The following PCDH15 variants were observed in gnomAD, a reference collection of about 807,000 sequenced individuals.
The protein encoded by PCDH15 is protocadherin-15.
Under a neutral mutation model 178.5 loss-of-function variants are expected in PCDH15, and 129 were observed. The ratio of observed to expected loss-of-function variants is 0.72; its 90% CI spans 0.63 to 0.84. The LOEUF is 0.84. Ranked by LOEUF, PCDH15 falls within the 40% of genes least tolerant of loss-of-function variation. The probability of loss-of-function intolerance (pLI) is 0.00; values close to 1 mark genes in which losing one functional copy is unlikely to be tolerated. For synonymous variants in PCDH15, 800 were observed against 732.0 expected, an observed-to-expected ratio of 1.09 and a Z score of -1.50; for missense variants, 2,230 against 2,099.9, an observed-to-expected ratio of 1.06 and a Z score of -1.21.
intron 15 of PCDH15, among the ~76,000 whole-genome samples, chr10:54,105,642 A>G (rs2094905022): frequency 6.6e-6 from 1 of 152,154 alleles, no homozygotes; most frequent in African/African-American, 2.4e-5. Context: ...TGCCTTTCCT[A>G]GCCCACTAAC....
chr10:55,429,817 A>G (rs896106351), intron 2 of PCDH15, among the ~76,000 whole-genome samples: 1 of 152,180 alleles, frequency 6.6e-6, no homozygotes, highest in African/African-American at 2.4e-5. Context: ...ATTATTTTTA[A>G]TAAGTAATCA....
intron 2 of PCDH15, among the ~76,000 whole-genome samples, chr10:55,464,722 G>GTA (rs1276177096): frequency 9.7e-4 from 144 of 147,758 alleles, no homozygotes; most frequent in Non-Finnish European, 1.5e-3. Context: ...ACTTATGTGT[G>GTA]TGTATATATA....
intron 2 of PCDH15, among the ~76,000 whole-genome samples, chr10:55,453,569 A>T (rs1206171603): frequency 6.6e-6 from 1 of 152,060 alleles, no homozygotes; most frequent in Non-Finnish European, 1.5e-5. Context: ...CATATACTGA[A>T]AAAAGTTTGC....
At chr10:54,892,242 A>G (rs540942544) in intron 3 of PCDH15, among the ~76,000 whole-genome samples, 1 of 152,288 alleles carries the variant, frequency 6.6e-6, no homozygotes, top group South Asian at 2.1e-4. Flanking sequence ...AAGAATATGG[A>G]GGCTTCTGTT....
intron 1 of PCDH15, among the ~76,000 whole-genome samples, chr10:54,764,322 T>A (rs1168148373): frequency 6.6e-6 from 1 of 152,028 alleles, no homozygotes; most frequent in African/African-American, 2.4e-5. Flanking sequence ...CACTGGCATG[T>A]TTTTTCATCT....
chr10:55,307,986 T>C (rs572413253), intron 1 of PCDH15, among the ~76,000 whole-genome samples: 1 of 152,274 alleles, frequency 6.6e-6, no homozygotes, highest in Admixed American at 6.5e-5. Flanking sequence ...CACATCCCTC[T>C]GAGTTAGAGA....
At chr10:54,161,068 GTA>G (rs1223488468) in intron 13 of PCDH15, among the ~76,000 whole-genome samples, 1 of 152,004 alleles carries the variant, frequency 6.6e-6, no homozygotes, top group African/African-American at 2.4e-5. Context: ...ATATGTGTGT[GTA>G]TATATATTTA....
intron 2 of PCDH15, among the ~76,000 whole-genome samples, chr10:55,134,311 T>C (rs2132080872): frequency 6.6e-6 from 1 of 152,340 alleles, no homozygotes. Context: ...TCTCTGCTAC[T>C]TAAAATATTT....
At chr10:54,402,914 AT>A (rs1952119124) in intron 3 of PCDH15, among the ~76,000 whole-genome samples, 1 of 151,998 alleles carries the variant, frequency 6.6e-6, no homozygotes, top group South Asian at 2.1e-4. Context: ...AGAGTTGCAC[AT>A]CTCTCACCTT....
intron 2 of PCDH15, among the ~76,000 whole-genome samples, chr10:55,353,647 T>C (rs957701493): frequency 1.3e-5 from 2 of 152,038 alleles, no homozygotes; most frequent in African/African-American, 4.8e-5. Context: ...CTGAGTCCTG[T>C]GTGGACTCTA....
At chr10:54,383,357 A>C (rs1226933734) in intron 3 of PCDH15, among the ~76,000 whole-genome samples, 2 of 152,158 alleles carry the variant, frequency 1.3e-5, no homozygotes, top group African/African-American at 4.8e-5. Context: ...TGCTGGCAAA[A>C]GCAAAAATGA....
chr10:54,768,665 C>A (rs181943394), intron 1 of PCDH15, among the ~76,000 whole-genome samples: 66 of 152,250 alleles, frequency 4.3e-4, no homozygotes, highest in Admixed American at 2.2e-3. Flanking sequence ...AGCAAATTCT[C>A]CTTTTGCTTC....
chr10:54,955,655 A>T (rs1485580271), intron 2 of PCDH15, among the ~76,000 whole-genome samples: 4 of 151,226 alleles, frequency 2.6e-5, no homozygotes, highest in East Asian at 1.9e-4. Context: ...GTAGTATGTA[A>T]TTTTTTCAGT....
chr10:54,725,670 G>A (rs72794568), intron 1 of PCDH15, among the ~76,000 whole-genome samples: 18,271 of 147,876 alleles, frequency 0.12, 1,232 homozygotes, highest in African/African-American at 0.17. Context: ...TTCACTCTAA[G>A]CAACTCATTT....
intron 2 of PCDH15, among the ~76,000 whole-genome samples, chr10:55,607,821 C>T (rs1356439767): frequency 4.7e-5 from 7 of 148,400 alleles, no homozygotes; most frequent in African/African-American, 1.5e-4. Context: ...GTGGGTGCAG[C>T]GCACCAGCAT....
At chr10:55,041,193 G>A (rs1840855987) in intron 2 of PCDH15, among the ~76,000 whole-genome samples, 1 of 152,030 alleles carries the variant, frequency 6.6e-6, no homozygotes, top group Non-Finnish European at 1.5e-5. Flanking sequence ...GCTATTTAAA[G>A]TAAAACATGT....
At chr10:54,218,840 A>G (rs2052400182) in intron 9 of PCDH15, among the ~76,000 whole-genome samples, 2 of 152,212 alleles carry the variant, frequency 1.3e-5, no homozygotes, top group Admixed American at 1.3e-4. Context: ...GTAAAATTAA[A>G]CCAAGGAAAG....
intron 2 of PCDH15, among the ~76,000 whole-genome samples, chr10:55,161,386 T>C (rs1025754363): frequency 6.6e-6 from 1 of 151,884 alleles, no homozygotes; most frequent in Non-Finnish European, 1.5e-5. Flanking sequence ...TTGGCGGGGG[T>C]TGGAAAATTC....
At chr10:54,401,311 G>A (rs1468920271) in intron 3 of PCDH15, among the ~76,000 whole-genome samples, 1 of 151,300 alleles carries the variant, frequency 6.6e-6, no homozygotes, top group African/African-American at 2.4e-5. Context: ...TATGACTTTT[G>A]GAAAAAAAAT....
Sources: allele counts gnomAD v4.1 joint callset (sites outside exome capture counted in the v4.1 genomes callset), GRCh38; gene constraint gnomAD v4.1.1; transcripts MANE v1.5; gene names NCBI Gene and HGNC (gene_info 2026-07-23, HGNC 2026-07-21).